The following ZNF385D variants were observed in gnomAD, a reference collection of about 807,000 sequenced individuals.
The protein encoded by ZNF385D is zinc finger protein 659.
Under a neutral mutation model 35.8 loss-of-function variants are expected in ZNF385D, and 15 were observed. That is an observed-to-expected ratio of 0.42 (90% CI 0.28 to 0.64). The LOEUF is 0.64. ZNF385D is among the 30% of genes least tolerant of loss of function. The pLI is 0.23. For synonymous variants in ZNF385D, 212 were observed against 186.8 expected (o/e 1.13, Z -1.10); for missense variants, 474 against 494.6 (o/e 0.96, Z 0.39).
chr3:21,981,267 G>C (rs1694429297), intron 3 of ZNF385D, among the ~76,000 whole-genome samples: 1 of 152,082 alleles, frequency 6.6e-6, no homozygotes, highest in Non-Finnish European at 1.5e-5. Context: ...ATTCTGACTG[G>C]TATAAGATGG....
chr3:21,425,356 A>T (rs753968109), intron 6 of ZNF385D, 136 bp downstream of exon 6: 5 of 822,986 alleles, frequency 6.1e-6, no homozygotes, highest in South Asian at 6.1e-5. Flanking sequence ...GGGTTAACAG[A>T]TGGGCAGATG....
intron 3 of ZNF385D, among the ~76,000 whole-genome samples, chr3:21,891,330 AT>A (rs1341474836): frequency 3.3e-5 from 5 of 152,302 alleles, no homozygotes; most frequent in Admixed American, 2.0e-4. Flanking sequence ...GGTAAAAAAA[AT>A]ATAAAAAAAT....
At chr3:21,762,419 A>C (rs968153491) in intron 3 of ZNF385D, among the ~76,000 whole-genome samples, 1 of 152,082 alleles carries the variant, frequency 6.6e-6, no homozygotes, top group African/African-American at 2.4e-5. Flanking sequence ...CTCATCCTCA[A>C]GTGATCCACT....
chr3:21,517,133 T>C (rs896179232), intron 3 of ZNF385D, among the ~76,000 whole-genome samples: 35 of 152,026 alleles, frequency 2.3e-4, no homozygotes, highest in African/African-American at 8.2e-4. Context: ...TTTATGATCC[T>C]AAATTTCTCA....
chr3:22,030,806 T>C (rs1038038086), intron 3 of ZNF385D, among the ~76,000 whole-genome samples: 1 of 152,180 alleles, frequency 6.6e-6, no homozygotes, highest in Non-Finnish European at 1.5e-5. Flanking sequence ...AAAGTCCAAG[T>C]CCAAAGTGTC....
At chr3:21,964,909 G>C (rs1029021138) in intron 3 of ZNF385D, among the ~76,000 whole-genome samples, 3 of 152,146 alleles carry the variant, frequency 2.0e-5, no homozygotes, top group African/African-American at 7.2e-5. Flanking sequence ...AATATCCTCA[G>C]AAGCTACTGA....
rs1272227854 is a variant in ZNF385D at position 21,421,051 on chromosome 3, C to A, written c.*163G>T. ...AATACCACTCCCTCCCTCCCACCCC[C>A]AAACCTCCCCCACTTTTTTATAACC... is the stretch of plus-strand genomic sequence containing the variant. On this transcript the variant is annotated 3_prime_UTR_variant, in exon 8 of 8. Coordinates refer to ENST00000281523, the MANE Select transcript of ZNF385D (RefSeq NM_024697.3). 2 of 309,980 alleles carry A rather than the reference C, an allele frequency of 6.5e-6. No homozygotes were observed. The highest frequency in any genetic ancestry group is 1.3e-5 in the Non-Finnish European group (2 of 157,268). 19.2% of individuals were successfully genotyped at this position (309,980 alleles called of 1,614,324 possible).
At chr3:22,095,712 A>G (rs896306574) in intron 3 of ZNF385D, among the ~76,000 whole-genome samples, 2 of 152,054 alleles carry the variant, frequency 1.3e-5, no homozygotes, top group African/African-American at 4.8e-5. Context: ...TTTTAAAATA[A>G]AAGTATTCTT....
intron 3 of ZNF385D, among the ~76,000 whole-genome samples, chr3:22,083,266 C>T (rs989895577): frequency 2.0e-5 from 3 of 151,612 alleles, no homozygotes; most frequent in Non-Finnish European, 4.4e-5. Context: ...TTCAGAAGGT[C>T]GGTAATAACA....
chr3:21,643,030 T>C (rs1476006412), intron 2 of ZNF385D, among the ~76,000 whole-genome samples: 1 of 152,146 alleles, frequency 6.6e-6, no homozygotes, highest in Non-Finnish European at 1.5e-5. Context: ...AATGTAAATA[T>C]ACTTACACTT....
At chr3:22,331,529 C>T (rs1269714495) in intron 2 of ZNF385D, among the ~76,000 whole-genome samples, 1 of 152,084 alleles carries the variant, frequency 6.6e-6, no homozygotes, top group Non-Finnish European at 1.5e-5. Flanking sequence ...TAAAACACTG[C>T]ATTTTTCATT....
chr3:22,145,708 A>G (rs1704806867), intron 3 of ZNF385D, among the ~76,000 whole-genome samples: 1 of 152,186 alleles, frequency 6.6e-6, no homozygotes, highest in African/African-American at 2.4e-5. Context: ...TAATCAGTAC[A>G]TTGATAAGAA....
intron 3 of ZNF385D, among the ~76,000 whole-genome samples, chr3:22,064,478 T>C (rs1699833493): frequency 1.3e-5 from 2 of 151,986 alleles, no homozygotes; most frequent in African/African-American, 4.8e-5. Flanking sequence ...CAAAGTGATA[T>C]CTGTATTCCT....
intron 3 of ZNF385D, among the ~76,000 whole-genome samples, chr3:22,012,944 C>A (rs1696667995): frequency 6.6e-6 from 1 of 152,004 alleles, no homozygotes; most frequent in East Asian, 1.9e-4. Flanking sequence ...TTTAGTGTTT[C>A]CATCTTCCCA....
intron 2 of ZNF385D, among the ~76,000 whole-genome samples, chr3:22,257,549 C>T (rs1348773556): frequency 3.3e-5 from 5 of 151,672 alleles, no homozygotes; most frequent in African/African-American, 9.7e-5. Flanking sequence ...GAATTTCATA[C>T]GTGGTTTTCT....
At position 21,983,213 on chromosome 3, in the gene ZNF385D, T is replaced by G. The variant is rs1198957199; in HGVS notation, c.325+185604A>C. 1.2e-4 allele frequency among the ~76,000 whole-genome samples: 18 copies of G among 147,616 alleles called. No individual in the cohort carries two copies. The East Asian group carries it at 2.6e-3, about 21-fold the overall frequency. On this transcript the variant is annotated intron_variant, in intron 3 of 5. Coordinates refer to the ZNF385D transcript ENST00000494108. ...AGTTTTAGGGTACATGTGCACATTG[T>G]GCAGGTTAGTTACATATGTATACAT...
intron 3 of ZNF385D, among the ~76,000 whole-genome samples, chr3:21,776,169 T>C (rs2071278930): frequency 6.6e-6 from 1 of 151,942 alleles, no homozygotes; most frequent in African/African-American, 2.4e-5. Context: ...TTCTTTTATT[T>C]TGGACACTTA....
At chr3:21,784,628 T>C (rs1559619122) in intron 3 of ZNF385D, among the ~76,000 whole-genome samples, 1 of 150,788 alleles carries the variant, frequency 6.6e-6, no homozygotes, top group Non-Finnish European at 1.5e-5. Flanking sequence ...TCAAGATAAA[T>C]AGTACTTTAA....
chr3:22,077,353 G>T (rs1700515574), intron 3 of ZNF385D, among the ~76,000 whole-genome samples: 1 of 151,848 alleles, frequency 6.6e-6, no homozygotes, highest in Non-Finnish European at 1.5e-5. Context: ...TGGTGGTAAA[G>T]GTAGAATAAT....
Sources: allele counts gnomAD v4.1 joint callset (sites outside exome capture counted in the v4.1 genomes callset), GRCh38; gene constraint gnomAD v4.1.1; transcripts MANE v1.5; gene names NCBI Gene and HGNC (gene_info 2026-07-23, HGNC 2026-07-21).